The following GPC6 variants were observed in gnomAD, a reference collection of about 807,000 sequenced individuals.
GPC6 encodes glypican 6.
In GPC6, 14 loss-of-function variants were observed where a neutral mutation model predicts 55.2. The ratio of observed to expected loss-of-function variants is 0.25; its 90% CI spans 0.17 to 0.40. The LOEUF is 0.40. Ranked by LOEUF, GPC6 falls within the 10% of genes least tolerant of loss-of-function variation. The probability of loss-of-function intolerance (pLI) is 1.00; values close to 1 mark genes in which losing one functional copy is unlikely to be tolerated. For missense variants in GPC6, 641 were observed against 708.5 expected, an observed-to-expected ratio of 0.90 and a Z score of 1.08; for synonymous variants, 278 against 259.6, an observed-to-expected ratio of 1.07 and a Z score of -0.68.
intron 3 of GPC6, among the ~76,000 whole-genome samples, chr13:93,932,973 C>CTTTTTTTTTTTTTTTTTTTTTTTGTTT (rs59362571): frequency 2.9e-5 from 3 of 102,380 alleles, no homozygotes; most frequent in Admixed American, 1.0e-4. Flanking sequence ...TTGTTTTGTT[C>CTTTTTTTTTTTTTTTTTTTTTTTGTTT]TTTTTTTTTT....
At chr13:94,080,158 T>C (rs888141591) in intron 4 of GPC6, among the ~76,000 whole-genome samples, 1 of 152,208 alleles carries the variant, frequency 6.6e-6, no homozygotes, top group Admixed American at 6.5e-5. Flanking sequence ...GATTCAATTT[T>C]AGAAGAGCCC....
At chr13:93,849,854 AATG>A (rs1421406697) in intron 3 of GPC6, among the ~76,000 whole-genome samples, 7 of 152,096 alleles carry the variant, frequency 4.6e-5, no homozygotes, top group South Asian at 4.1e-4. Flanking sequence ...AAAATGCTAA[AATG>A]ATGGGAACAT....
chr13:93,862,617 C>T lies in GPC6; in HGVS notation c.711+32072C>T, dbSNP rs187989693. On this transcript the variant is annotated intron_variant, in intron 3 of 8. Transcript: ENST00000377047. ...CTGGGAACCATATATATACAACCCCCACCACATATAAGAAAGTAGCTCTAA... is the reference window on the plus strand; with the variant it reads ...CTGGGAACCATATATATACAACCCCTACCACATATAAGAAAGTAGCTCTAA... Among the ~76,000 whole-genome samples, 1,198 of 151,610 alleles carry T rather than the reference C, an allele frequency of 7.9e-3. 10 individuals are homozygous for T. The highest frequency in any genetic ancestry group is 0.027 in the African/African-American group (1,128 of 41,340).
chr13:94,126,690 A>T (rs892342513), intron 4 of GPC6, among the ~76,000 whole-genome samples: 1 of 152,050 alleles, frequency 6.6e-6, no homozygotes, highest in South Asian at 2.1e-4. Flanking sequence ...AGTACAAAAA[A>T]ATCAAATATT....
chr13:94,326,105 G>A (rs1445347998), intron 6 of GPC6, among the ~76,000 whole-genome samples: 1 of 152,096 alleles, frequency 6.6e-6, no homozygotes, highest in Non-Finnish European at 1.5e-5. Flanking sequence ...CTTTACCAGT[G>A]AGAACACTAG....
At chr13:94,077,405 C>T (rs1465100682) in intron 4 of GPC6, among the ~76,000 whole-genome samples, 1 of 151,848 alleles carries the variant, frequency 6.6e-6, no homozygotes, top group East Asian at 1.9e-4. Flanking sequence ...GATATAAAAT[C>T]ATGTCATTTG....
intron 1 of GPC6, among the ~76,000 whole-genome samples, chr13:93,321,774 G>A (rs1879444097): frequency 6.6e-6 from 1 of 152,100 alleles, no homozygotes; most frequent in Non-Finnish European, 1.5e-5. Flanking sequence ...CCATATCTGT[G>A]AGCAGACTAG....
intron 2 of GPC6, among the ~76,000 whole-genome samples, chr13:93,636,713 G>A (rs1400169210): frequency 6.6e-6 from 1 of 152,134 alleles, no homozygotes; most frequent in African/African-American, 2.4e-5. Context: ...GTGGAGGAGG[G>A]CAGAAAACAT....
At chr13:93,316,873 G>C (rs1376246369) in intron 1 of GPC6, among the ~76,000 whole-genome samples, 1 of 152,054 alleles carries the variant, frequency 6.6e-6, no homozygotes, top group African/African-American at 2.4e-5. Flanking sequence ...TTGCTTTTCT[G>C]AGAAGGTGTT....
At chr13:94,271,013 G>A (rs1050496473) in intron 4 of GPC6, among the ~76,000 whole-genome samples, 2 of 108,130 alleles carry the variant, frequency 1.8e-5, no homozygotes, top group East Asian at 3.0e-4. Flanking sequence ...TTTCTGAGAC[G>A]GAGTCTCGCT....
At chr13:93,647,792 G>A (rs865779195) in intron 2 of GPC6, among the ~76,000 whole-genome samples, 1 of 152,198 alleles carries the variant, frequency 6.6e-6, no homozygotes, top group Admixed American at 6.5e-5. Flanking sequence ...TCACATTTCT[G>A]TTTCTACTCC....
intron 2 of GPC6, among the ~76,000 whole-genome samples, chr13:93,570,999 C>G (rs781612888): frequency 1.6e-4 from 24 of 152,010 alleles, no homozygotes; most frequent in Non-Finnish European, 2.6e-4. Flanking sequence ...TGGGATTTAA[C>G]ATTTTTCAGT....
At chr13:93,736,159 G>C (rs1883993828) in intron 2 of GPC6, among the ~76,000 whole-genome samples, 1 of 152,158 alleles carries the variant, frequency 6.6e-6, no homozygotes, top group Non-Finnish European at 1.5e-5. Flanking sequence ...AGGCTCTCAG[G>C]GGCCCAGACA....
intron 6 of GPC6, among the ~76,000 whole-genome samples, chr13:94,378,552 C>T (rs1262500754): frequency 2.6e-5 from 4 of 152,136 alleles, no homozygotes; most frequent in African/African-American, 9.7e-5. Flanking sequence ...GTCCTTTTGA[C>T]AGGTCTTAAA....
intron 6 of GPC6, among the ~76,000 whole-genome samples, chr13:94,314,277 C>A (rs1435813948): frequency 2.0e-5 from 3 of 152,102 alleles, no homozygotes; most frequent in South Asian, 2.1e-4. Context: ...ATGTAGAAGG[C>A]ATATTAACAA....
intron 4 of GPC6, among the ~76,000 whole-genome samples, chr13:94,045,437 CAAGTGTTT>C (rs1449206073): frequency 6.6e-6 from 1 of 151,732 alleles, no homozygotes; most frequent in Non-Finnish European, 1.5e-5. Context: ...CTAAGATGAT[CAAGTGTTT>C]GCAGACATTC....
intron 2 of GPC6, among the ~76,000 whole-genome samples, chr13:93,591,836 A>G (rs951938795): frequency 6.6e-6 from 1 of 152,188 alleles, no homozygotes. Flanking sequence ...TTGGATTAAT[A>G]CAAGTTTTTG....
chr13:93,839,707 G>T (rs1360676406), intron 3 of GPC6, among the ~76,000 whole-genome samples: 1 of 152,058 alleles, frequency 6.6e-6, no homozygotes, highest in Non-Finnish European at 1.5e-5. Flanking sequence ...CCCGTCTTCA[G>T]AGATTCAATG....
intron 1 of GPC6, among the ~76,000 whole-genome samples, chr13:93,451,886 A>G (rs1451451124): frequency 6.6e-6 from 1 of 152,204 alleles, no homozygotes; most frequent in Non-Finnish European, 1.5e-5. Flanking sequence ...TCTAATATCT[A>G]TGATACCAGA....
Sources: allele counts gnomAD v4.1 joint callset (sites outside exome capture counted in the v4.1 genomes callset), GRCh38; gene constraint gnomAD v4.1.1; transcripts MANE v1.5; gene names NCBI Gene and HGNC (gene_info 2026-07-23, HGNC 2026-07-21).